MPZL1: variants seen among roughly 807,000 people sequenced by gnomAD.
MPZL1 encodes myelin protein zero like 1.
A neutral mutation model predicts 29.3 loss-of-function variants in MPZL1; 16 were observed. The ratio of observed to expected loss-of-function variants is 0.55; its 90% confidence interval spans 0.37 to 0.83. The LOEUF (loss-of-function observed/expected upper bound fraction) is 0.83, where lower values mean the gene tolerates loss of function less well. Ranked by LOEUF, MPZL1 falls within the 40% of genes least tolerant of loss-of-function variation. MPZL1 has a pLI of 0.00. For synonymous variants in MPZL1, 143 were observed against 132.0 expected, an observed-to-expected ratio of 1.08 and a Z score of -0.57; for missense variants, 279 against 332.9, an observed-to-expected ratio of 0.84 and a Z score of 1.26.
At chr1:167,725,821 T>C (rs1239516393) in intron 1 of MPZL1, among the ~76,000 whole-genome samples, 2 of 152,002 alleles carry the variant, frequency 1.3e-5, no homozygotes, top group Non-Finnish European at 2.9e-5. Context: ...GGTTTCACCA[T>C]GTTTGCCAGG....
intron 1 of MPZL1, among the ~76,000 whole-genome samples, chr1:167,738,486 G>T (rs1417689750): frequency 1.3e-5 from 2 of 152,072 alleles, no homozygotes; most frequent in African/African-American, 4.8e-5. Context: ...ACTATTTATA[G>T]CTGGAAATAT....
intron 1 of MPZL1, among the ~76,000 whole-genome samples, chr1:167,739,266 C>CATATAT (rs1660451236): frequency 3.1e-5 from 3 of 97,174 alleles, no homozygotes; most frequent in Admixed American, 1.0e-4. Context: ...CATACACATA[C>CATATAT]ATATATACAT....
chr1:167,739,154 C>T (rs1660448555), intron 1 of MPZL1, among the ~76,000 whole-genome samples: 1 of 151,340 alleles, frequency 6.6e-6, no homozygotes, highest in African/African-American at 2.4e-5. Flanking sequence ...TGTTAGTCAA[C>T]CTGGTCTTGA....
intron 1 of MPZL1, among the ~76,000 whole-genome samples, chr1:167,726,985 A>G (rs757057603): frequency 6.6e-6 from 1 of 151,906 alleles, no homozygotes; most frequent in Admixed American, 6.5e-5. Context: ...GACAGATTAA[A>G]TTCCCAACAA....
At chr1:167,775,622 C>T (rs1661349991) in intron 4 of MPZL1, among the ~76,000 whole-genome samples, 1 of 152,136 alleles carries the variant, frequency 6.6e-6, no homozygotes, top group Non-Finnish European at 1.5e-5. Flanking sequence ...TTAAAACATA[C>T]ATTCAGAAGA....
chr1:167,768,396 T>G (rs1300215497), intron 2 of MPZL1, among the ~76,000 whole-genome samples: 1 of 152,146 alleles, frequency 6.6e-6, no homozygotes, highest in Non-Finnish European at 1.5e-5. Flanking sequence ...CTCTTTTTTT[T>G]TTTTTAACCT....
At chr1:167,734,642 C>G (rs1239240167) in intron 1 of MPZL1, among the ~76,000 whole-genome samples, 4 of 152,044 alleles carry the variant, frequency 2.6e-5, no homozygotes, top group Non-Finnish European at 2.9e-5. Context: ...TGTACCTCAC[C>G]TTTAGGAGCC....
chr1:167,751,909 A>G (rs1660768053), intron 1 of MPZL1, among the ~76,000 whole-genome samples: 1 of 152,110 alleles, frequency 6.6e-6, no homozygotes, highest in African/African-American at 2.4e-5. Flanking sequence ...ATTCCAATAA[A>G]TTTTCCAGTA....
In MPZL1 at chr1:167,743,733, G is replaced by C. The variant is rs535582478; in HGVS notation, c.91+21491G>C. 1.2e-4 allele frequency among the ~76,000 whole-genome samples: 19 copies of C among 152,114 alleles called. 1 individual carries two copies. The highest frequency in any genetic ancestry group is 4.6e-4 in the African/African-American group (19 of 41,560). On this transcript the variant is annotated intron_variant, in intron 1 of 5. Coordinates refer to ENST00000359523, the MANE Select transcript of MPZL1 (RefSeq NM_003953.6). ...TTGGTTGCTGTTGGTGTATAGAAGA[G>C]CTACTGATTTGTTTACATTAATTTT...
intron 1 of MPZL1, among the ~76,000 whole-genome samples, chr1:167,757,795 A>G (rs776633977): frequency 2.6e-5 from 4 of 152,214 alleles, no homozygotes; most frequent in Non-Finnish European, 4.4e-5. Context: ...GCTTAAAAAA[A>G]TTCAAAACAA....
rs545559710 is a variant in MPZL1, at chr1:167,734,098, T to C, written c.91+11856T>C. Among the ~76,000 whole-genome samples, 85 of 150,356 alleles carry C rather than the reference T, an allele frequency of 5.7e-4. No homozygotes were observed. The East Asian group carries it at 0.016, about 28-fold the overall frequency. On this transcript the variant is annotated intron_variant, in intron 1 of 5. Transcript: ENST00000359523. ...GGTGAAACCCCGTCTCTACTAAAAA[T>C]ACAAAAAATTAGCCAGGCATGGTGG...
At chr1:167,749,170 TA>T (rs1282141261) in intron 1 of MPZL1, among the ~76,000 whole-genome samples, 1 of 152,208 alleles carries the variant, frequency 6.6e-6, no homozygotes, top group East Asian at 1.9e-4. Context: ...ATGTTTACAG[TA>T]AGTCAGGAAG....
chr1:167,750,915 A>G (rs1215716664), intron 1 of MPZL1, among the ~76,000 whole-genome samples: 1 of 152,214 alleles, frequency 6.6e-6, no homozygotes, highest in African/African-American at 2.4e-5. Context: ...TTTTTAATGT[A>G]TATTATATAA....
intron 1 of MPZL1, among the ~76,000 whole-genome samples, chr1:167,722,517 G>T (rs972073240): frequency 7.9e-5 from 12 of 152,132 alleles, no homozygotes; most frequent in Non-Finnish European, 1.6e-4. Context: ...TTCCCGGGGG[G>T]CGGTCCAGGG....
chr1:167,734,590 AAT>A (rs1248477864), intron 1 of MPZL1, among the ~76,000 whole-genome samples: 29 of 152,332 alleles, frequency 1.9e-4, no homozygotes, highest in African/African-American at 7.0e-4. Flanking sequence ...AGAAAAATCA[AAT>A]AGTTTTTTTA....
intron 4 of MPZL1, 111 bp from the exon 5 acceptor site, chr1:167,775,953 T>A (rs1296503316): frequency 1.3e-5 from 8 of 624,724 alleles, no homozygotes; most frequent in African/African-American, 3.8e-5. Context: ...GTCTTTTGTT[T>A]TTATATATCT....
At chr1:167,733,838 A>C (rs1437572330) in intron 1 of MPZL1, among the ~76,000 whole-genome samples, 1 of 151,770 alleles carries the variant, frequency 6.6e-6, no homozygotes, top group African/African-American at 2.4e-5. Flanking sequence ...CCAAGAGTTC[A>C]AGGCTGCAGT....
chr1:167,727,891 C>CA (rs1196037817), intron 1 of MPZL1, among the ~76,000 whole-genome samples: 1 of 132,568 alleles, frequency 7.5e-6, no homozygotes, highest in Non-Finnish European at 1.5e-5. Context: ...TTTTTTGAGA[C>CA]AGAGTCTCGT....
intron 1 of MPZL1, among the ~76,000 whole-genome samples, chr1:167,740,602 G>A (rs117779795): frequency 6.6e-6 from 1 of 152,096 alleles, no homozygotes; most frequent in East Asian, 1.9e-4. Context: ...ACTTCGGCTT[G>A]GCTCTCATCT....
Sources: allele counts gnomAD v4.1 joint callset (sites outside exome capture counted in the v4.1 genomes callset), GRCh38; gene constraint gnomAD v4.1.1; transcripts MANE v1.5; gene names NCBI Gene and HGNC (gene_info 2026-07-23, HGNC 2026-07-21).